The following PSMG2 variants were observed in gnomAD, a reference collection of about 807,000 sequenced individuals.
PSMG2 encodes proteasome assembly chaperone 2, also known as CD40 ligand-activated specific transcript 3.
A neutral mutation model predicts 31.5 loss-of-function variants in PSMG2; 21 were observed. The observed-to-expected ratio is 0.67, with a 90% CI of 0.47 to 0.96. The LOEUF is 0.96. Ranked by LOEUF, PSMG2 falls within the 40% of genes least tolerant of loss-of-function variation. PSMG2 has a pLI of 0.00. For synonymous variants in PSMG2, 120 were observed against 110.4 expected, an observed-to-expected ratio of 1.09 and a Z score of -0.54; for missense variants, 318 against 321.2, an observed-to-expected ratio of 0.99 and a Z score of 0.08.
chr18:12,724,434 G>T, intron 5 of PSMG2, 65 bp from the exon 6 acceptor site: 1 of 1,424,192 alleles, frequency 7.0e-7, no homozygotes, highest in Non-Finnish European at 9.3e-7. Context: ...TGTAAAAACA[G>T]ACACACTAGA....
intron 1 of PSMG2, among the ~76,000 whole-genome samples, chr18:12,659,085 G>T (rs2038641226): frequency 6.6e-6 from 1 of 152,120 alleles, no homozygotes; most frequent in Non-Finnish European, 1.5e-5. Context: ...ATCACCCATT[G>T]GTAGATTAAT....
chr18:12,725,168 AT>A (rs966104111), intron 6 of PSMG2, among the ~76,000 whole-genome samples: 55 of 150,718 alleles, frequency 3.6e-4, no homozygotes, highest in East Asian at 7.8e-4. Context: ...CATAATGCTG[AT>A]TTTTTTTTTA....
At chr18:12,681,727 C>CATT (rs1338688170) in intron 1 of PSMG2, among the ~76,000 whole-genome samples, 1 of 151,986 alleles carries the variant, frequency 6.6e-6, no homozygotes, top group Non-Finnish European at 1.5e-5. Flanking sequence ...CAACAAAATG[C>CATT]CAACAATGGT....
chr18:12,712,040 A>C (rs551664043), intron 2 of PSMG2, among the ~76,000 whole-genome samples: 3 of 152,266 alleles, frequency 2.0e-5, no homozygotes, highest in South Asian at 4.1e-4. Flanking sequence ...TACAGGCGTG[A>C]GCCACCATGC....
At chr18:12,674,596 T>C in intron 1 of PSMG2, 1 of 1,614,102 alleles carries the variant, frequency 6.2e-7, no homozygotes, top group Non-Finnish European at 8.5e-7. Context: ...TGGGAACCCT[T>C]TAAATGTGTG....
rs908138325 is a variant in PSMG2 at position 12,720,584 on chromosome 18, A to T, written c.482A>T (p.Glu161Val). 1.2e-6 allele frequency: 2 copies of T among 1,613,670 alleles called. No individual in the cohort carries two copies. Among genetic ancestry groups the T allele is most frequent in the African/African-American group, 2.7e-5 (2 of 74,924 alleles). The stretch of plus-strand genomic sequence containing the variant: ...AATAAAATAAAGAGCCTTAACTGGG[A>T]AGAAATGGAAAAAAGCCGGTGCATT... ...VQNKIKSLNW[E>V]EMEKSRCIPE... The change falls in exon 5 of 7, where the codon GAA becomes GTA. Residue 161 changes from glutamate (E) to valine (V), a missense_variant. By Grantham distance (121) the Glu-to-Val change is moderately radical (BLOSUM62 -2). Coordinates refer to ENST00000317615, the MANE Select transcript of PSMG2 (RefSeq NM_020232.5).
chr18:12,724,205 G>T (rs928500863), intron 5 of PSMG2: 1 of 274,558 alleles, frequency 3.6e-6, no homozygotes, highest in Admixed American at 5.3e-5. Context: ...AGTAGGTTTG[G>T]GGAGTAGGTC....
rs1288389344 is a variant in PSMG2 at position 12,703,136 on chromosome 18, C to T, written c.29C>T (p.Pro10Leu). MFVPCGESA[P>L]DLAGFTLLMP... is the part of the protein sequence containing the mutation. ...TTCGTTCCCTGCGGGGAGTCGGCCC[C>T]CGACCTTGCCGGCTTCACCCTCCTA... The change falls in exon 1 of 7, where the codon CCC becomes CTC. Residue 10 changes from proline to leucine, a missense_variant. By Grantham distance (98) the Pro-to-Leu change is moderately conservative (BLOSUM62 -3). Coordinates refer to ENST00000317615, the MANE Select transcript of PSMG2 (RefSeq NM_020232.5). 2 of 1,612,392 alleles carry T rather than the reference C, an allele frequency of 1.2e-6. No individual in the cohort carries two copies. The highest frequency in any genetic ancestry group is 3.3e-5 in the Admixed American group (2 of 59,910).
chr18:12,703,172 T>C lies in PSMG2; in HGVS notation c.57+8T>C, dbSNP rs1308835347. On this transcript the variant is annotated splice_region_variant and intron_variant, in intron 1 of 6. Coordinates refer to ENST00000317615, the MANE Select transcript of PSMG2 (RefSeq NM_020232.5). ...GGCTTCACCCTCCTAATGGTGAGTC[T>C]CCATTTGCGCTCGGGGCTGCCGCCT... The C allele has an allele frequency of 1.2e-6, 2 of 1,606,574 alleles. No individual in the cohort carries two copies. Among genetic ancestry groups the C allele is most frequent in the Non-Finnish European group, 1.7e-6 (2 of 1,177,088 alleles).
At chr18:12,701,089 C>G, upstream of PSMG2, 1 of 1,612,858 alleles carries the variant, frequency 6.2e-7, no homozygotes, top group Non-Finnish European at 8.5e-7. Flanking sequence ...GCAAGGATTT[C>G]TCTTATTCTA....
chr18:12,691,913 G>A (rs946922646), intron 1 of PSMG2, among the ~76,000 whole-genome samples: 7 of 151,812 alleles, frequency 4.6e-5, no homozygotes, highest in Admixed American at 4.6e-4. Flanking sequence ...TAGAGACAGG[G>A]TTTCACCACA....
intron 1 of PSMG2, chr18:12,684,290 G>GT (rs1297378831): frequency 6.6e-6 from 1 of 151,558 alleles, no homozygotes; most frequent in Non-Finnish European, 1.5e-5. Context: ...AATTTTTATA[G>GT]TTTTTTAGAG....
At chr18:12,712,804 G>A in intron 3 of PSMG2, 44 bp downstream of exon 3, 4 of 1,432,980 alleles carry the variant, frequency 2.8e-6, no homozygotes, top group South Asian at 1.2e-5. Context: ...AAAGTGTAAT[G>A]AGAAAATAAG....
upstream of PSMG2, chr18:12,702,291 C>G (rs1739255507): frequency 1.8e-6 from 1 of 551,170 alleles, no homozygotes; most frequent in Non-Finnish European, 3.2e-6. Flanking sequence ...AGCACCTGCT[C>G]GGCTCGTTTT....
intron 1 of PSMG2, among the ~76,000 whole-genome samples, chr18:12,679,775 T>C (rs1175802710): frequency 6.6e-6 from 1 of 152,078 alleles, no homozygotes; most frequent in African/African-American, 2.4e-5. Flanking sequence ...GAAAAAAACA[T>C]ATGCCAGCCA....
chr18:12,678,060 A>G (rs1488383658), intron 1 of PSMG2: 1 of 1,463,518 alleles, frequency 6.8e-7, no homozygotes, highest in African/African-American at 1.4e-5. Context: ...ACAGTTAAAT[A>G]CATAAATGAA....
At chr18:12,676,279 C>CTTTTTTTTTTTTTT (rs1157897766) in intron 1 of PSMG2, among the ~76,000 whole-genome samples, 1 of 106,406 alleles carries the variant, frequency 9.4e-6, no homozygotes, top group Non-Finnish European at 1.9e-5. Context: ...ACAGTAATTC[C>CTTTTTTTTTTTTTT]TTTTTTTTTT....
upstream of PSMG2, chr18:12,703,027 G>A: frequency 6.6e-7 from 1 of 1,506,844 alleles, no homozygotes; most frequent in Non-Finnish European, 9.0e-7. Flanking sequence ...CGAGGCTCCG[G>A]GGTCTCGGGC....
rs775426277 is a variant in PSMG2, at chr18:12,697,389, A to G, written c.-36-9161A>G. The G allele has an allele frequency of 6.8e-6, 11 of 1,610,372 alleles. No individual in the cohort carries two copies. In the African/African-American group the frequency reaches 1.5e-4, roughly 22 times the overall value. Reference sequence around the variant, plus strand: ...TTATTGATAACATTGTTGTTGAATCAGCCATTCTAGTTCCATCACCTAGCA... The same window carrying G: ...TTATTGATAACATTGTTGTTGAATCGGCCATTCTAGTTCCATCACCTAGCA... On this transcript the variant is annotated intron_variant, in intron 1 of 6. Transcript: ENST00000585331.
Sources: gnomAD v4.1 joint callset for allele counts (sites outside exome capture counted in the v4.1 genomes callset) on GRCh38, gnomAD v4.1.1 for gene constraint, MANE v1.5 for transcripts, NCBI Gene and HGNC (gene_info 2026-07-23, HGNC 2026-07-21) for gene names.